CUX1: variants seen among roughly 807,000 people sequenced by gnomAD.
The protein encoded by CUX1 is protein CASP.
A neutral mutation model predicts 158.8 loss-of-function variants in CUX1; 31 were observed. The observed-to-expected ratio is 0.20, with a 90% CI of 0.15 to 0.26. CUX1 has a LOEUF of 0.26. CUX1 is among the 10% of genes least tolerant of loss of function. The pLI, the probability that CUX1 is intolerant of heterozygous loss-of-function variation, is 1.00. For synonymous variants in CUX1, 879 were observed against 862.1 expected, an observed-to-expected ratio of 1.02 and a Z score of -0.34; for missense variants, 1,589 against 2,014.6, an observed-to-expected ratio of 0.79 and a Z score of 4.04.
In CUX1 at chr7:101,828,660, C is replaced by T. The variant is rs531058552; in HGVS notation, c.30+10991C>T. Among the ~76,000 whole-genome samples the T allele has an allele frequency of 4.8e-4, 73 of 152,136 alleles. 1 individual carries two copies. Among genetic ancestry groups the T allele is most frequent in the African/African-American group, 9.2e-4 (38 of 41,490 alleles). Reference sequence around the variant, plus strand: ...CCTGTGTCTGGGCAAAGGCACGCCCCGCTCCAGGTCGGCCCCATTTCAGAG... The same window carrying T: ...CCTGTGTCTGGGCAAAGGCACGCCCTGCTCCAGGTCGGCCCCATTTCAGAG... On this transcript the variant is annotated intron_variant, in intron 1 of 23. Transcript: ENST00000292535.
rs1325642141 is a variant in CUX1, at chr7:102,258,073, C to CA, written c.*9031_*9032insA. The CA allele has an allele frequency of 1.0e-6, 1 of 985,168 alleles. No individual in the cohort carries two copies. Among genetic ancestry groups the CA allele is most frequent in the Admixed American group, 6.2e-5 (1 of 16,254 alleles). 61.0% of individuals were successfully genotyped at this position (985,168 alleles called of 1,614,324 possible). A position where few individuals can be genotyped will look rare whatever the true frequency, so the allele number is the denominator to read the frequency against. On this transcript the variant is annotated 3_prime_UTR_variant, in exon 24 of 24. Coordinates refer to ENST00000292535, the MANE Select transcript of CUX1 (RefSeq NM_181552.4). ...CCGTCGGCCCCTTGGTGTTGTCCCT[C>CA]TGTCTTTGGTTAGCCATACGATGTT...
chr7:102,158,220 C>A (rs1008322470), intron 8 of CUX1, among the ~76,000 whole-genome samples: 2 of 152,132 alleles, frequency 1.3e-5, no homozygotes, highest in Non-Finnish European at 2.9e-5. Flanking sequence ...GAATTTATTT[C>A]TCCCTCTTTT....
upstream of CUX1, among the ~76,000 whole-genome samples, chr7:101,816,501 G>C (rs1351621452): frequency 0.015 from 2,079 of 140,806 alleles, 40 homozygotes; most frequent in African/African-American, 0.05. Flanking sequence ...CGCGAGCGGG[G>C]AGCGGGGAGC....
chr7:102,193,259 ACT>A (rs1794468237), intron 12 of CUX1, among the ~76,000 whole-genome samples: 2 of 152,070 alleles, frequency 1.3e-5, no homozygotes, highest in Non-Finnish European at 2.9e-5. Flanking sequence ...AATACATTCC[ACT>A]TGCAACAATG....
Position 102,254,203 on chromosome 7 carries a change from C to T in CUX1, c.*5161C>T. 1.0e-6 allele frequency: 1 copy of T among 985,586 alleles called. No homozygotes were observed. The highest frequency in any genetic ancestry group is 1.2e-6 in the Non-Finnish European group (1 of 830,094). 61.1% of individuals were successfully genotyped at this position (985,586 alleles called of 1,614,324 possible). ...GCAGGCAGGGCGTGGTCTCGGGGCT[C>T]CGAGGGTCTTGTCTTTGGTCCGCCT... is the stretch of plus-strand genomic sequence containing the variant. On this transcript the variant is annotated 3_prime_UTR_variant, in exon 24 of 24. Transcript: ENST00000292535.
At chr7:101,872,005 G>A (rs1488093980) in intron 1 of CUX1, among the ~76,000 whole-genome samples, 1 of 149,548 alleles carries the variant, frequency 6.7e-6, no homozygotes, top group Admixed American at 6.7e-5. Context: ...GCGACAGAGC[G>A]AGACTCCATC....
chr7:101,908,746 A>T (rs929523458), intron 1 of CUX1, among the ~76,000 whole-genome samples: 1 of 152,114 alleles, frequency 6.6e-6, no homozygotes, highest in Non-Finnish European at 1.5e-5. Context: ...CTGGTGGGGG[A>T]TGCTGGTGGC....
chr7:101,847,894 C>T (rs552402040), intron 1 of CUX1, among the ~76,000 whole-genome samples: 15 of 151,412 alleles, frequency 9.9e-5, no homozygotes, highest in Non-Finnish European at 1.8e-4. Flanking sequence ...GTGGTGAAAC[C>T]CATCTCTACA....
chr7:101,936,250 GGGA>G (rs1194086224), intron 2 of CUX1, among the ~76,000 whole-genome samples: 1 of 151,882 alleles, frequency 6.6e-6, no homozygotes, highest in Admixed American at 6.6e-5. Context: ...GGAGGGAGGA[GGGA>G]GGAGGGCGGG....
intron 18 of CUX1, among the ~76,000 whole-genome samples, chr7:102,278,793 T>G (rs1791821104): frequency 1.3e-5 from 2 of 151,836 alleles, no homozygotes; most frequent in South Asian, 4.1e-4. Flanking sequence ...CAGTGGCTCA[T>G]GCCTGTAATC....
chr7:102,074,717 C>A (rs555585601), intron 4 of CUX1, among the ~76,000 whole-genome samples: 1 of 152,234 alleles, frequency 6.6e-6, no homozygotes, highest in Non-Finnish European at 1.5e-5. Context: ...TGAGTGCCAG[C>A]TTGCATATCT....
At chr7:102,144,407 A>C (rs1554501320) in intron 8 of CUX1, among the ~76,000 whole-genome samples, 1 of 151,244 alleles carries the variant, frequency 6.6e-6, no homozygotes. Context: ...ACCTGTCCCC[A>C]CTCCTGTTTT....
intron 2 of CUX1, among the ~76,000 whole-genome samples, chr7:101,998,391 T>TA (rs1816242377): frequency 6.6e-6 from 1 of 152,168 alleles, no homozygotes; most frequent in Admixed American, 6.5e-5. Flanking sequence ...TTTCAAGACT[T>TA]AGAGATGAGA....
Position 102,115,395 on chromosome 7 carries a change from A to G in CUX1, c.674+122A>G, listed in dbSNP as rs111434720. 3.4e-5 allele frequency: 27 copies of G among 794,104 alleles called. 1 individual carries two copies. The highest frequency in any genetic ancestry group is 2.1e-4 in the African/African-American group (12 of 56,694). The allele number at this position is 794,104 out of a possible 1,614,324, so 49.2% of individuals were successfully genotyped here. On this transcript the variant is annotated intron_variant, in intron 8 of 23. Transcript: ENST00000292535. ...GCTGCAGGGACACAGTGTATTTCCC[A>G]TGAGTTACTTGCGTCGGTTCAATGC...
intron 14 of CUX1, among the ~76,000 whole-genome samples, chr7:102,272,876 C>T (rs1791321048): frequency 6.6e-6 from 1 of 152,156 alleles, no homozygotes; most frequent in Non-Finnish European, 1.5e-5. Flanking sequence ...GAGGTGGCAC[C>T]CCTACGCGCC....
intron 3 of CUX1, among the ~76,000 whole-genome samples, chr7:102,069,330 C>T (rs575531578): frequency 6.6e-6 from 1 of 152,288 alleles, no homozygotes; most frequent in East Asian, 1.9e-4. Flanking sequence ...TATGTATCCG[C>T]GTTCCCACCT....
intron 6 of CUX1, among the ~76,000 whole-genome samples, chr7:102,106,813 G>A (rs1191427057): frequency 6.6e-6 from 1 of 152,134 alleles, no homozygotes; most frequent in African/African-American, 2.4e-5. Flanking sequence ...CCACCAGCTC[G>A]CCTTTGAATT....
intron 20 of CUX1, among the ~76,000 whole-genome samples, 164 bp from the exon 21 acceptor site, chr7:102,227,203 C>G (rs528818718): frequency 6.6e-6 from 1 of 152,042 alleles, no homozygotes; most frequent in Non-Finnish European, 1.5e-5. Context: ...AGAGGTTACT[C>G]TCAGTCAAAA....
intron 1 of CUX1, chr7:101,818,965 C>T (rs1054055486): frequency 3.3e-5 from 5 of 152,192 alleles, no homozygotes; most frequent in African/African-American, 1.2e-4. Context: ...AGGTTGGAGA[C>T]GTCAGCGGGT....
Sources: allele counts gnomAD v4.1 joint callset (sites outside exome capture counted in the v4.1 genomes callset), GRCh38; gene constraint gnomAD v4.1.1; transcripts MANE v1.5; gene names NCBI Gene and HGNC (gene_info 2026-07-23, HGNC 2026-07-21).